Variants in NMNAT1 observed in about 807,000 individuals in gnomAD.
The protein encoded by NMNAT1 is nicotinamide/nicotinic acid mononucleotide adenylyltransferase 1.
A neutral mutation model predicts 16.7 loss-of-function variants in NMNAT1; 11 were observed. The observed-to-expected ratio is 0.66, with a 90% CI of 0.41 to 1.09. NMNAT1 has a LOEUF of 1.09. Among genes scored for constraint, NMNAT1 ranks in the 50% least tolerant of loss-of-function variants. The pLI, the probability that NMNAT1 is intolerant of heterozygous loss-of-function variation, is 0.00. For missense variants in NMNAT1, 280 were observed against 332.3 expected, an observed-to-expected ratio of 0.84 and a Z score of 1.22; for synonymous variants, 110 against 119.8, an observed-to-expected ratio of 0.92 and a Z score of 0.53.
At chr1:9,979,726 T>C (rs1035451924) in intron 3 of NMNAT1, among the ~76,000 whole-genome samples, 4 of 147,382 alleles carry the variant, frequency 2.7e-5, no homozygotes, top group Admixed American at 2.1e-4. Context: ...GGCGTGAACC[T>C]AGGAGACGGA....
intron 2 of NMNAT1, among the ~76,000 whole-genome samples, chr1:9,972,942 C>T (rs1263104604): frequency 1.3e-5 from 2 of 152,104 alleles, no homozygotes; most frequent in African/African-American, 4.8e-5. Context: ...GCCTGGACAT[C>T]AGAGCAAGAC....
intron 1 of NMNAT1, among the ~76,000 whole-genome samples, chr1:9,946,431 G>A (rs909499247): frequency 6.6e-6 from 1 of 152,178 alleles, no homozygotes; most frequent in East Asian, 1.9e-4. Context: ...CCTTGGCAGC[G>A]GGAGGAGTTG....
intron 1 of NMNAT1, 73 bp downstream of exon 1, chr1:9,943,588 G>A (rs1405260406): frequency 6.6e-6 from 1 of 152,290 alleles, no homozygotes; most frequent in African/African-American, 2.4e-5. Flanking sequence ...CCAGGATGGT[G>A]TGGTGGAGTC....
intron 3 of NMNAT1, among the ~76,000 whole-genome samples, chr1:9,979,355 A>G (rs1043264426): frequency 2.0e-5 from 3 of 152,080 alleles, no homozygotes; most frequent in East Asian, 1.9e-4. Flanking sequence ...AGTCGCAGCT[A>G]TCTGGGAGGC....
At chr1:9,995,611 T>C in the NMNAT1 span, among the ~76,000 whole-genome samples, 1 of 151,570 alleles carries the variant, frequency 6.6e-6, no homozygotes, top group Non-Finnish European at 1.5e-5. Flanking sequence ...GGAGAGTTGC[T>C]TGAACCCAAG....
intron 1 of NMNAT1, among the ~76,000 whole-genome samples, chr1:9,944,284 G>C (rs1226590334): frequency 6.6e-6 from 1 of 151,980 alleles, no homozygotes; most frequent in Non-Finnish European, 1.5e-5. Context: ...GTTACCCTTG[G>C]CTGTCGCGGT....
At chr1:9,995,208 G>A in the NMNAT1 span, among the ~76,000 whole-genome samples, 4 of 151,944 alleles carry the variant, frequency 2.6e-5, no homozygotes, top group East Asian at 1.9e-4. Flanking sequence ...ACCAACCGCC[G>A]GCAACACAGG....
chr1:9,957,237 C>A (rs1641284215), intron 1 of NMNAT1, among the ~76,000 whole-genome samples: 1 of 152,212 alleles, frequency 6.6e-6, no homozygotes, highest in African/African-American at 2.4e-5. Context: ...CCATGTTGGT[C>A]AGGCTGGTCT....
At chr1:9,962,164 C>T (rs974759623) in intron 1 of NMNAT1, among the ~76,000 whole-genome samples, 1 of 151,932 alleles carries the variant, frequency 6.6e-6, no homozygotes, top group Non-Finnish European at 1.5e-5. Context: ...TCATCACTGT[C>T]ATCAGTAACA....
At chr1:9,958,588 C>T (rs955900023) in intron 1 of NMNAT1, among the ~76,000 whole-genome samples, 2 of 151,950 alleles carry the variant, frequency 1.3e-5, no homozygotes, top group African/African-American at 2.4e-5. Context: ...TACAGAAGCA[C>T]ACCACCATGC....
chr1:9,949,133 G>A (rs1641047997), intron 1 of NMNAT1, among the ~76,000 whole-genome samples: 2 of 151,266 alleles, frequency 1.3e-5, no homozygotes, highest in African/African-American at 4.8e-5. Context: ...AGCCGGGCAT[G>A]GTGGCAGGCA....
downstream of NMNAT1, among the ~76,000 whole-genome samples, chr1:9,988,593 C>T (rs552391065): frequency 4.0e-5 from 6 of 150,004 alleles, no homozygotes; most frequent in Admixed American, 4.0e-4. Context: ...GTCCTAGCTA[C>T]TCAGGAATCT....
At chr1:9,976,396 A>G (rs1641814945) in intron 3 of NMNAT1, among the ~76,000 whole-genome samples, 1 of 152,144 alleles carries the variant, frequency 6.6e-6, no homozygotes. Context: ...AGAAAGGGAA[A>G]ATTGCAAGAA....
intron 1 of NMNAT1, among the ~76,000 whole-genome samples, chr1:9,953,130 G>A (rs909653285): frequency 4.0e-5 from 6 of 151,654 alleles, no homozygotes; most frequent in South Asian, 2.1e-4. Context: ...ACAGGTGCCC[G>A]CCACCACGCC....
intron 2 of NMNAT1, among the ~76,000 whole-genome samples, chr1:9,973,993 A>C (rs1289928407): frequency 6.6e-6 from 1 of 151,948 alleles, no homozygotes; most frequent in African/African-American, 2.4e-5. Flanking sequence ...ACACAGCACC[A>C]TGCCCGGCCC....
intron 3 of NMNAT1, among the ~76,000 whole-genome samples, chr1:9,976,034 G>A (rs1490182267): frequency 6.6e-6 from 1 of 151,982 alleles, no homozygotes; most frequent in African/African-American, 2.4e-5. Flanking sequence ...CGCCTGTAAT[G>A]CCAGCACTTT....
chr1:9,966,793 A>G (rs1035297033), intron 1 of NMNAT1, among the ~76,000 whole-genome samples: 37 of 152,152 alleles, frequency 2.4e-4, no homozygotes, highest in African/African-American at 8.2e-4. Context: ...AAGATAATAT[A>G]CTACACATCT....
intron 1 of NMNAT1, among the ~76,000 whole-genome samples, chr1:9,963,209 A>G (rs1227743867): frequency 6.6e-6 from 1 of 152,046 alleles, no homozygotes; most frequent in East Asian, 1.9e-4. Context: ...TCTAGTCCTG[A>G]TGTGCCATTC....
chr1:9,962,204 C>T (rs1641428722), intron 1 of NMNAT1, among the ~76,000 whole-genome samples: 1 of 151,958 alleles, frequency 6.6e-6, no homozygotes, highest in African/African-American at 2.4e-5. Flanking sequence ...CAGCTGCCGC[C>T]GGGCGCGGTG....
Sources: allele counts gnomAD v4.1 joint callset (sites outside exome capture counted in the v4.1 genomes callset), GRCh38; gene constraint gnomAD v4.1.1; transcripts MANE v1.5; gene names NCBI Gene and HGNC (gene_info 2026-07-23, HGNC 2026-07-21).